The following NBAS variants were observed in gnomAD, a reference collection of about 807,000 sequenced individuals.
NBAS encodes NAG/BC035112 fusion.
Under a neutral mutation model 302.5 loss-of-function variants are expected in NBAS, and 219 were observed. The observed-to-expected ratio is 0.72, with a 90% confidence interval of 0.65 to 0.81. The LOEUF (loss-of-function observed/expected upper bound fraction) is 0.81. Among genes scored for constraint, NBAS ranks in the 30% least tolerant of loss-of-function variants. The pLI, the probability that NBAS is intolerant of heterozygous loss-of-function variation, is 0.00. For synonymous variants in NBAS, 1,118 were observed against 1,021.6 expected (o/e 1.09, Z -1.80); for missense variants, 2,932 against 2,841.6 (o/e 1.03, Z -0.72).
At chr2:14,940,863 T>C in the NBAS span, among the ~76,000 whole-genome samples, 4 of 152,304 alleles carry the variant, frequency 2.6e-5, no homozygotes, top group East Asian at 5.8e-4. Context: ...ACTCACCACA[T>C]TGCAATAAAT....
At chr2:14,818,306 G>T in the NBAS span, among the ~76,000 whole-genome samples, 17 of 152,204 alleles carry the variant, frequency 1.1e-4, 1 homozygote, top group Admixed American at 5.9e-4. Context: ...ATGTGAAGGG[G>T]TGTGTGTGTG....
chr2:14,969,711 G>A, the NBAS span, among the ~76,000 whole-genome samples: 2 of 152,126 alleles, frequency 1.3e-5, no homozygotes, highest in Non-Finnish European at 2.9e-5. Context: ...GTGGAGAAAG[G>A]TTAGTCTTAT....
chr2:15,090,053 A>G, the NBAS span, among the ~76,000 whole-genome samples: 1 of 152,148 alleles, frequency 6.6e-6, no homozygotes, highest in East Asian at 1.9e-4. Flanking sequence ...CGGCCTGGTC[A>G]AGGTTTTTAA....
chr2:15,199,734 T>C (rs1299720451), intron 48 of NBAS, among the ~76,000 whole-genome samples: 3 of 152,018 alleles, frequency 2.0e-5, no homozygotes, highest in African/African-American at 7.3e-5. Context: ...TCCTCTTCCA[T>C]AGGACAGAGA....
the NBAS span, among the ~76,000 whole-genome samples, chr2:15,117,802 C>T: frequency 6.6e-6 from 1 of 152,204 alleles, no homozygotes; most frequent in Non-Finnish European, 1.5e-5. Context: ...GCCCAACCTC[C>T]TCCCACTCCT....
At chr2:14,882,070 A>G in the NBAS span, among the ~76,000 whole-genome samples, 1 of 151,958 alleles carries the variant, frequency 6.6e-6, no homozygotes, top group Non-Finnish European at 1.5e-5. Flanking sequence ...ATGGATTATT[A>G]CTCTCTCCAT....
chr2:15,283,052 G>A lies in NBAS; in HGVS notation c.5138+4021C>T, dbSNP rs143777670. Among the ~76,000 whole-genome samples, 335 of 152,186 alleles carry A rather than the reference G, an allele frequency of 2.2e-3. 2 individuals are homozygous for A. The East Asian group carries it at 0.028, about 13-fold the overall frequency. ...CAGCTTTTGTGGGCGTCAGGGTGAC[G>A]GGGGAGGGTTCCCTATTAGAATATA... is the stretch of plus-strand genomic sequence containing the variant. On this transcript the variant is annotated intron_variant, in intron 42 of 51. Coordinates refer to ENST00000281513, the MANE Select transcript of NBAS (RefSeq NM_015909.4).
chr2:15,128,131 C>T, the NBAS span, among the ~76,000 whole-genome samples: 2 of 152,178 alleles, frequency 1.3e-5, no homozygotes, highest in African/African-American at 4.8e-5. Context: ...TACAGGTCCA[C>T]AATCCCTTAT....
intron 51 of NBAS, among the ~76,000 whole-genome samples, chr2:15,170,481 C>T (rs1367259412): frequency 3.3e-5 from 5 of 152,164 alleles, no homozygotes; most frequent in Non-Finnish European, 7.3e-5. Context: ...CCCTAAAGAA[C>T]GATAAAGGTC....
At chr2:14,941,664 C>G in the NBAS span, among the ~76,000 whole-genome samples, 1 of 152,206 alleles carries the variant, frequency 6.6e-6, no homozygotes, top group African/African-American at 2.4e-5. Context: ...GAGGACTACA[C>G]TCAATTAGGA....
In NBAS at chr2:15,299,238, T is replaced by C. The variant is rs969349017; in HGVS notation, c.4798-6472A>G. On this transcript the variant is annotated intron_variant, in intron 40 of 51. Coordinates refer to ENST00000281513, the MANE Select transcript of NBAS (RefSeq NM_015909.4). The stretch of plus-strand genomic sequence containing the variant: ...AGCCATTCATAATTTAAAAAGGAAA[T>C]TGTGAAGAGTTAAATTACTTGATTT... Among the ~76,000 whole-genome samples, 4 of 152,122 alleles carry C rather than the reference T, an allele frequency of 2.6e-5. No individual in the cohort carries two copies. In the South Asian group the frequency reaches 6.2e-4, roughly 24 times the overall value.
chr2:15,072,729 C>T, the NBAS span, among the ~76,000 whole-genome samples: 1 of 152,200 alleles, frequency 6.6e-6, no homozygotes, highest in Non-Finnish European at 1.5e-5. Context: ...TGACATTCCT[C>T]ATCTGCGAAT....
At chr2:14,847,453 C>T in the NBAS span, among the ~76,000 whole-genome samples, 6 of 130,660 alleles carry the variant, frequency 4.6e-5, no homozygotes, top group Non-Finnish European at 1.6e-5. Flanking sequence ...TATTCCATAC[C>T]AATGAAAATC....
intron 47 of NBAS, among the ~76,000 whole-genome samples, chr2:15,224,181 T>C (rs1047303720): frequency 6.6e-6 from 1 of 152,194 alleles, no homozygotes; most frequent in South Asian, 2.1e-4. Context: ...CATTTCCCTA[T>C]TATGTAATGT....
At chr2:15,153,744 C>T in the NBAS span, among the ~76,000 whole-genome samples, 2 of 152,180 alleles carry the variant, frequency 1.3e-5, no homozygotes, top group African/African-American at 2.4e-5. Flanking sequence ...TTATCACCTA[C>T]GTGACCTTGG....
intron 47 of NBAS, among the ~76,000 whole-genome samples, chr2:15,230,376 T>C (rs867939771): frequency 1.0e-4 from 15 of 145,614 alleles, no homozygotes; most frequent in African/African-American, 4.0e-4. Flanking sequence ...TTGTTTTTCT[T>C]CTTTTTATTT....
At chr2:14,843,523 C>T in the NBAS span, among the ~76,000 whole-genome samples, 1 of 151,570 alleles carries the variant, frequency 6.6e-6, no homozygotes, top group Non-Finnish European at 1.5e-5. Context: ...ATCCTCCCCA[C>T]AAGGCACCAA....
intron 13 of NBAS, among the ~76,000 whole-genome samples, chr2:15,477,005 G>A (rs138055418): frequency 6.6e-6 from 1 of 152,140 alleles, no homozygotes; most frequent in East Asian, 1.9e-4. Context: ...TAAGCCTAAG[G>A]CAATCCATGT....
chr2:15,111,166 T>G, the NBAS span, among the ~76,000 whole-genome samples: 1 of 152,112 alleles, frequency 6.6e-6, no homozygotes, highest in Non-Finnish European at 1.5e-5. Flanking sequence ...GAGAAGTTAC[T>G]AGATAATGTC....
Sources: gnomAD v4.1 joint callset for allele counts (sites outside exome capture counted in the v4.1 genomes callset) on GRCh38, gnomAD v4.1.1 for gene constraint, MANE v1.5 for transcripts, NCBI Gene and HGNC (gene_info 2026-07-23, HGNC 2026-07-21) for gene names.